The following GPR176 variants were observed in gnomAD, a reference collection of about 807,000 sequenced individuals.
GPR176 encodes the protein G protein-coupled receptor 176.
A neutral mutation model predicts 35.4 loss-of-function variants in GPR176; 26 were observed. That is an observed-to-expected ratio of 0.74 (90% CI 0.54 to 1.02). The LOEUF is 1.02. Among genes scored for constraint, GPR176 ranks in the 50% least tolerant of loss-of-function variants. The probability of loss-of-function intolerance (pLI) is 0.00; values close to 1 mark genes in which losing one functional copy is unlikely to be tolerated. For missense variants in GPR176, 597 were observed against 665.3 expected (o/e 0.90, Z 1.13); for synonymous variants, 278 against 271.3 (o/e 1.02, Z -0.24).
chr15:39,831,817 C>A (rs945666871), intron 1 of GPR176, among the ~76,000 whole-genome samples: 1 of 152,060 alleles, frequency 6.6e-6, no homozygotes, highest in African/African-American at 2.4e-5. Flanking sequence ...TCCACTGGCT[C>A]CTCAGAATGT....
chr15:39,910,369 C>T (rs2033544717), intron 1 of GPR176, among the ~76,000 whole-genome samples: 1 of 152,056 alleles, frequency 6.6e-6, no homozygotes, highest in African/African-American at 2.4e-5. Flanking sequence ...TGGTGGATCA[C>T]CTGAAGTCAG....
intron 1 of GPR176, among the ~76,000 whole-genome samples, chr15:39,859,592 T>A (rs2031464362): frequency 6.6e-6 from 1 of 152,062 alleles, no homozygotes; most frequent in Non-Finnish European, 1.5e-5. Flanking sequence ...TGCAAGCTGC[T>A]ATGGAAAACA....
chr15:39,847,060 G>C (rs1566949507), intron 1 of GPR176, among the ~76,000 whole-genome samples: 2 of 152,084 alleles, frequency 1.3e-5, no homozygotes, highest in Non-Finnish European at 1.5e-5. Context: ...AACTGGTAAA[G>C]CAATGGCACC....
At chr15:39,906,574 T>TTTAAAATGCTGCCTGTC (rs1476071371) in intron 1 of GPR176, among the ~76,000 whole-genome samples, 7 of 152,218 alleles carry the variant, frequency 4.6e-5, no homozygotes, top group South Asian at 2.1e-4. Flanking sequence ...TGCTGCCTGG[T>TTTAAAATGCTGCCTGTC]TTAAAATGCT....
At chr15:39,910,512 C>T (rs554438673) in intron 1 of GPR176, among the ~76,000 whole-genome samples, 3 of 151,672 alleles carry the variant, frequency 2.0e-5, no homozygotes, top group Non-Finnish European at 4.4e-5. Flanking sequence ...GAGCTGAGAT[C>T]ACGCCACTCT....
chr15:39,886,950 T>G (rs2032697012), intron 1 of GPR176, among the ~76,000 whole-genome samples: 2 of 152,202 alleles, frequency 1.3e-5, no homozygotes, highest in African/African-American at 2.4e-5. Context: ...CAGTCTGCAT[T>G]TGTTCCAATG....
intron 1 of GPR176, among the ~76,000 whole-genome samples, chr15:39,837,158 T>C (rs1901453088): frequency 6.6e-6 from 1 of 152,156 alleles, no homozygotes; most frequent in Non-Finnish European, 1.5e-5. Flanking sequence ...AGCTTTTCCA[T>C]TTTCGCCAGT....
chr15:39,832,431 T>C (rs991087288), intron 1 of GPR176, among the ~76,000 whole-genome samples: 2 of 152,132 alleles, frequency 1.3e-5, no homozygotes, highest in African/African-American at 2.4e-5. Context: ...TATATTACAG[T>C]TCTGGTGGTC....
chr15:39,808,115 C>T (rs1405385569), intron 1 of GPR176, among the ~76,000 whole-genome samples: 2 of 152,208 alleles, frequency 1.3e-5, no homozygotes, highest in African/African-American at 4.8e-5. Context: ...CCTCTATCCT[C>T]TCTCAATAGC....
intron 1 of GPR176, among the ~76,000 whole-genome samples, chr15:39,905,879 C>T (rs535042933): frequency 9.2e-4 from 140 of 152,162 alleles, no homozygotes; most frequent in African/African-American, 3.3e-3. Flanking sequence ...ATGGAAATTT[C>T]GAGGGCAATG....
At chr15:39,820,328 A>G (rs1045977255) in intron 1 of GPR176, among the ~76,000 whole-genome samples, 8 of 152,182 alleles carry the variant, frequency 5.3e-5, no homozygotes, top group African/African-American at 1.9e-4. Flanking sequence ...CAAGGTCAAG[A>G]ATAGAACACT....
chr15:39,816,547 T>A (rs1234645688), intron 1 of GPR176, among the ~76,000 whole-genome samples: 2 of 152,186 alleles, frequency 1.3e-5, no homozygotes, highest in Non-Finnish European at 2.9e-5. Context: ...AAGATATCAA[T>A]GACCTTGGCA....
chr15:39,859,999 A>C (rs1254862274), intron 1 of GPR176, among the ~76,000 whole-genome samples: 1 of 152,196 alleles, frequency 6.6e-6, no homozygotes, highest in Non-Finnish European at 1.5e-5. Flanking sequence ...AAATCAAAAA[A>C]AAAAAAGCCA....
At chr15:39,817,482 T>A (rs1010265907) in intron 1 of GPR176, among the ~76,000 whole-genome samples, 4 of 152,246 alleles carry the variant, frequency 2.6e-5, no homozygotes, top group African/African-American at 9.6e-5. Flanking sequence ...GGTTCCCTAC[T>A]GCCGTTAAAA....
chr15:39,801,533 G>GCTTAAAGAT lies in GPR176; in HGVS notation c.1138_1146dup (p.Ile380_Lys382dup). 6.2e-7 allele frequency: 1 copy of GCTTAAAGAT among 1,614,140 alleles called. No homozygotes were observed. Among genetic ancestry groups the GCTTAAAGAT allele is most frequent in the Non-Finnish European group, 8.5e-7 (1 of 1,179,998 alleles). On this transcript the variant is annotated inframe_insertion, in exon 3 of 3. Coordinates refer to ENST00000561100, the MANE Select transcript of GPR176 (RefSeq NM_007223.3). The stretch of plus-strand genomic sequence containing the variant: ...TCACTCTCTTCCTCATCCTCTGTGG[G>GCTTAAAGAT]CTTAAAGATCTGCTGCTGCCCAATG...
At chr15:39,803,600 G>A (rs1165481173) in intron 2 of GPR176, among the ~76,000 whole-genome samples, 12 of 152,052 alleles carry the variant, frequency 7.9e-5, no homozygotes, top group Non-Finnish European at 7.4e-5. Flanking sequence ...AGGTACTTCT[G>A]AGCACCACCT....
intron 1 of GPR176, among the ~76,000 whole-genome samples, chr15:39,856,346 G>A (rs1386940543): frequency 6.6e-6 from 1 of 152,210 alleles, no homozygotes; most frequent in African/African-American, 2.4e-5. Flanking sequence ...TCTTTAGACA[G>A]TATATTAGTT....
At chr15:39,873,318 A>G (rs950629775) in intron 1 of GPR176, among the ~76,000 whole-genome samples, 2 of 152,174 alleles carry the variant, frequency 1.3e-5, no homozygotes, top group African/African-American at 4.8e-5. Context: ...AATTTTTACT[A>G]CACTGTTTCT....
intron 1 of GPR176, among the ~76,000 whole-genome samples, chr15:39,887,013 CTA>C (rs953377504): frequency 3.9e-5 from 6 of 152,224 alleles, no homozygotes. Flanking sequence ...CTCTAATATT[CTA>C]TGAGTCTAAA....
Sources: allele counts gnomAD v4.1 joint callset (sites outside exome capture counted in the v4.1 genomes callset), GRCh38; gene constraint gnomAD v4.1.1; transcripts MANE v1.5; gene names NCBI Gene and HGNC (gene_info 2026-07-23, HGNC 2026-07-21).